STIM1: variants seen among roughly 807,000 people sequenced by gnomAD.
STIM1 encodes stromal interaction molecule 1.
STIM1 carries 25 observed loss-of-function variants against 74.7 expected under a neutral mutation model. That is an observed-to-expected ratio of 0.33 (90% CI 0.24 to 0.47). STIM1 has a LOEUF of 0.47. Among genes scored for constraint, STIM1 ranks in the 20% least tolerant of loss-of-function variants. The pLI is 1.00. For synonymous variants in STIM1, 328 were observed against 348.8 expected (o/e 0.94, Z 0.66); for missense variants, 728 against 920.8 (o/e 0.79, Z 2.71).
chr11:3,885,940 A>G (rs914903617), intron 1 of STIM1, among the ~76,000 whole-genome samples: 1 of 152,178 alleles, frequency 6.6e-6, no homozygotes, highest in Non-Finnish European at 1.5e-5. Context: ...GCGTGGCCCC[A>G]TTCCAGTTTT....
intron 2 of STIM1, among the ~76,000 whole-genome samples, chr11:3,972,252 C>A (rs2093403352): frequency 6.6e-6 from 1 of 152,190 alleles, no homozygotes; most frequent in Non-Finnish European, 1.5e-5. Flanking sequence ...AGTTACAGAT[C>A]TTTTAAAATT....
At chr11:4,023,303 T>C (rs7942271) in intron 2 of STIM1, among the ~76,000 whole-genome samples, 6,354 of 152,014 alleles carry the variant, frequency 0.042, 409 homozygotes, top group African/African-American at 0.14. Flanking sequence ...CACTCCAGCC[T>C]GGGTGACGAG....
intron 3 of STIM1, among the ~76,000 whole-genome samples, chr11:4,038,882 C>G (rs1185182799): frequency 6.6e-6 from 1 of 152,094 alleles, no homozygotes; most frequent in Non-Finnish European, 1.5e-5. Flanking sequence ...CAAGTTAGGG[C>G]ATCAAATTTC....
At chr11:4,015,948 C>CT (rs1411356505) in intron 2 of STIM1, among the ~76,000 whole-genome samples, 4 of 152,114 alleles carry the variant, frequency 2.6e-5, no homozygotes, top group Non-Finnish European at 5.9e-5. Flanking sequence ...TTTGTCTAAC[C>CT]TTTTTTCAAG....
At chr11:3,900,272 T>A (rs577817911) in intron 1 of STIM1, among the ~76,000 whole-genome samples, 2 of 152,192 alleles carry the variant, frequency 1.3e-5, no homozygotes, top group African/African-American at 2.4e-5. Context: ...TGCGCTGTTT[T>A]TTAAGCCCGT....
At position 4,001,057 on chromosome 11, in the gene STIM1, A is replaced by G. The variant is rs553825766; in HGVS notation, c.271-22816A>G. On this transcript the variant is annotated intron_variant, in intron 2 of 12. Coordinates refer to ENST00000526596, the MANE Select transcript of STIM1 (RefSeq NM_001382567.1). ...GAGAAAAAAGAATAAAAAGAAACGA[A>G]CAAAGCCTCCAAGAAATGTGGGACT... 2.0e-3 allele frequency among the ~76,000 whole-genome samples: 306 copies of G among 152,300 alleles called. 2 individuals carry two copies. The highest frequency in any genetic ancestry group is 3.6e-3 in the Non-Finnish European group (244 of 68,028).
intron 1 of STIM1, among the ~76,000 whole-genome samples, chr11:3,901,605 A>G (rs2092349660): frequency 6.6e-6 from 1 of 152,226 alleles, no homozygotes; most frequent in Non-Finnish European, 1.5e-5. Flanking sequence ...CTTTGTGTTC[A>G]CAATAGCTCT....
chr11:4,008,052 A>T (rs1487338955), intron 2 of STIM1, among the ~76,000 whole-genome samples: 1 of 152,166 alleles, frequency 6.6e-6, no homozygotes, highest in Non-Finnish European at 1.5e-5. Context: ...CATATTTTAT[A>T]TATAGTCATA....
chr11:3,981,362 A>G (rs543480567), intron 2 of STIM1, among the ~76,000 whole-genome samples: 1 of 152,216 alleles, frequency 6.6e-6, no homozygotes, highest in African/African-American at 2.4e-5. Context: ...TAACTGTCCT[A>G]CCAGATTTTG....
rs1410262964 is a variant in STIM1 at position 4,084,727 on chromosome 11, C to T, written c.1529C>T (p.Ser510Phe). ...AGTGACCGCTCTCTCTGCTCTACAT[C>T]CGCCGGCTCGGATGATCAGTCCCTC... Reference protein sequence around the residue: ...RFSDRSLCSTSAGSDDQSLWK... With the variant: ...RFSDRSLCSTFAGSDDQSLWK... The change falls in exon 11 of 13, where the codon TCC (serine) becomes TTC (phenylalanine). Residue 510 changes from serine (S) to phenylalanine (F), a missense_variant. By Grantham distance (155) the Ser-to-Phe change is radical. Coordinates refer to ENST00000526596, the MANE Select transcript of STIM1 (RefSeq NM_001382567.1). 1.6e-6 allele frequency: 2 copies of T among 1,289,424 alleles called. No individual in the cohort carries two copies. Among genetic ancestry groups the T allele is most frequent in the Admixed American group, 2.3e-5 (1 of 43,572 alleles). 79.9% of individuals were successfully genotyped at this position (1,289,424 alleles called of 1,614,324 possible).
At chr11:4,018,177 C>G (rs1247948735) in intron 2 of STIM1, among the ~76,000 whole-genome samples, 5 of 150,788 alleles carry the variant, frequency 3.3e-5, no homozygotes, top group African/African-American at 1.2e-4. Context: ...TGGCTGGGCG[C>G]GGTGGCTCAC....
At chr11:3,918,853 A>C (rs2092683790) in intron 1 of STIM1, among the ~76,000 whole-genome samples, 1 of 152,196 alleles carries the variant, frequency 6.6e-6, no homozygotes, top group Admixed American at 6.5e-5. Flanking sequence ...TTAAGTCAAC[A>C]AAATTCGTAG....
At chr11:4,050,023 A>G (rs1003344134) in intron 3 of STIM1, among the ~76,000 whole-genome samples, 2 of 152,136 alleles carry the variant, frequency 1.3e-5, no homozygotes, top group Non-Finnish European at 2.9e-5. Context: ...TATTATTATT[A>G]TTGTTGTTGT....
chr11:4,038,907 A>G (rs2094125547), intron 3 of STIM1, among the ~76,000 whole-genome samples: 1 of 152,228 alleles, frequency 6.6e-6, no homozygotes, highest in Admixed American at 6.5e-5. Context: ...TGTAAGAAAT[A>G]TTCTCAAATG....
intron 12 of STIM1, chr11:4,086,867 A>G (rs2094496974): frequency 6.5e-7 from 1 of 1,528,400 alleles, no homozygotes; most frequent in Non-Finnish European, 8.8e-7. Flanking sequence ...TTGGGGTATC[A>G]GCTGTCTCTC....
chr11:4,071,497 C>T (rs750758562), intron 6 of STIM1, among the ~76,000 whole-genome samples: 1 of 151,968 alleles, frequency 6.6e-6, no homozygotes, highest in Non-Finnish European at 1.5e-5. Flanking sequence ...TGCATGCCAC[C>T]ATGCCTGGCT....
intron 1 of STIM1, among the ~76,000 whole-genome samples, chr11:3,943,492 G>A (rs2093035372): frequency 6.6e-6 from 1 of 152,152 alleles, no homozygotes; most frequent in South Asian, 2.1e-4. Flanking sequence ...AAGACTGTAA[G>A]CTGGTAAACT....
At chr11:3,969,448 C>T (rs956289057) in intron 2 of STIM1, among the ~76,000 whole-genome samples, 1 of 152,100 alleles carries the variant, frequency 6.6e-6, no homozygotes, top group African/African-American at 2.4e-5. Flanking sequence ...TGCCATTGCA[C>T]TCCAGCCTGG....
chr11:3,877,897 T>G (rs1037481144), intron 1 of STIM1, among the ~76,000 whole-genome samples: 1 of 152,226 alleles, frequency 6.6e-6, no homozygotes. Context: ...TTTTAGACAC[T>G]GATGCTTTCT....
Sources: allele counts gnomAD v4.1 joint callset (sites outside exome capture counted in the v4.1 genomes callset), GRCh38; gene constraint gnomAD v4.1.1; transcripts MANE v1.5; gene names NCBI Gene and HGNC (gene_info 2026-07-23, HGNC 2026-07-21).